The following PSTPIP1 variants were observed in gnomAD, a reference collection of about 807,000 sequenced individuals.
PSTPIP1 encodes the protein proline-serine-threonine phosphatase interacting protein 1, also known as proline-serine-threonine phosphatase-interacting protein 1.
A neutral mutation model predicts 69.6 loss-of-function variants in PSTPIP1; 66 were observed. That is an observed-to-expected ratio of 0.95 (90% CI 0.78 to 1.16). The LOEUF is 1.16. Ranked by LOEUF, PSTPIP1 falls within the 50% of genes most tolerant of loss-of-function variation. PSTPIP1 has a pLI of 0.00. For synonymous variants in PSTPIP1, 266 were observed against 222.7 expected, an observed-to-expected ratio of 1.19 and a Z score of -1.73; for missense variants, 603 against 557.4, an observed-to-expected ratio of 1.08 and a Z score of -0.82.
At chr15:77,028,855 C>G (rs888854899) in intron 7 of PSTPIP1, among the ~76,000 whole-genome samples, 2 of 152,250 alleles carry the variant, frequency 1.3e-5, no homozygotes, top group Admixed American at 1.3e-4. Flanking sequence ...GCTGGATCCC[C>G]TTTGCCACCG....
chr15:77,028,746 T>A, intron 7 of PSTPIP1, 94 bp downstream of exon 7: 1 of 1,083,710 alleles, frequency 9.2e-7, no homozygotes, highest in Non-Finnish European at 1.3e-6. Flanking sequence ...AGGCAAGATC[T>A]GCATCTGGGG....
intron 1 of PSTPIP1, among the ~76,000 whole-genome samples, chr15:77,008,924 T>C (rs2075875236): frequency 6.6e-6 from 1 of 151,778 alleles, no homozygotes; most frequent in African/African-American, 2.4e-5. Context: ...GACTCCAACA[T>C]AGAAGCCTTT....
chr15:77,029,713 G>A, intron 8 of PSTPIP1, 139 bp downstream of exon 8: 1 of 1,043,420 alleles, frequency 9.6e-7, no homozygotes, highest in East Asian at 2.7e-5. Context: ...CCAGATATGT[G>A]CCGTCAAAGT....
chr15:77,037,237 C>A lies in PSTPIP1; in HGVS notation c.*61C>A, dbSNP rs2076604010. 1.4e-5 allele frequency: 22 copies of A among 1,541,358 alleles called. No homozygotes were observed. Among genetic ancestry groups the A allele is most frequent in the Non-Finnish European group, 1.7e-5 (19 of 1,143,468 alleles). ...AGTGGAGCCAGCAGTGCCCCCAGCACTGTCCCCACCTTGCTAGGGCCCAGA... is the reference window on the plus strand; with the variant it reads ...AGTGGAGCCAGCAGTGCCCCCAGCAATGTCCCCACCTTGCTAGGGCCCAGA... On this transcript the variant is annotated 3_prime_UTR_variant, in exon 15 of 15. Transcript: ENST00000558012.
chr15:77,011,708 CA>C (rs2075937662), intron 1 of PSTPIP1, among the ~76,000 whole-genome samples: 1 of 152,172 alleles, frequency 6.6e-6, no homozygotes, highest in African/African-American at 2.4e-5. Flanking sequence ...GTACTTGAGT[CA>C]GGGGACCCCT....
intron 1 of PSTPIP1, among the ~76,000 whole-genome samples, chr15:77,006,048 G>C (rs2075809254): frequency 6.6e-6 from 1 of 152,108 alleles, no homozygotes; most frequent in South Asian, 2.1e-4. Flanking sequence ...TTAACTTTTT[G>C]AGTAACCGCC....
At chr15:76,997,051 G>C (rs113150381) in intron 1 of PSTPIP1, among the ~76,000 whole-genome samples, 1,796 of 152,342 alleles carry the variant, frequency 0.012, 25 homozygotes, top group African/African-American at 0.033. Flanking sequence ...CCCTAGGGCA[G>C]AGCTGGGCAA....
intron 1 of PSTPIP1, among the ~76,000 whole-genome samples, chr15:77,007,634 G>T (rs2075842314): frequency 6.7e-6 from 1 of 149,908 alleles, no homozygotes; most frequent in Non-Finnish European, 1.5e-5. Flanking sequence ...TCGCTCTGCT[G>T]CCCAAGCTGG....
intron 9 of PSTPIP1, 28 bp downstream of exon 9, chr15:77,030,609 T>C: frequency 6.4e-7 from 1 of 1,574,308 alleles, no homozygotes. Context: ...AGCCTCGTTT[T>C]CCCCAGCTGG....
Position 76,998,700 on chromosome 15 carries a change from T to A in PSTPIP1, c.36+3091T>A, listed in dbSNP as rs571471617. Reference sequence around the variant, plus strand: ...GAAACAGTCTGAAAAGCAGCTGTAGTGGCACAGAAGTAGTGGGGACACTCA... The same window carrying A: ...GAAACAGTCTGAAAAGCAGCTGTAGAGGCACAGAAGTAGTGGGGACACTCA... On this transcript the variant is annotated intron_variant, in intron 1 of 14. Coordinates refer to ENST00000558012, the MANE Select transcript of PSTPIP1 (RefSeq NM_003978.5). Among the ~76,000 whole-genome samples, 47 of 152,284 alleles carry A rather than the reference T, an allele frequency of 3.1e-4. 1 individual carries two copies. The East Asian group carries it at 5.4e-3, about 17-fold the overall frequency.
chr15:76,996,161 C>T (rs553459885), intron 1 of PSTPIP1, among the ~76,000 whole-genome samples: 1 of 152,258 alleles, frequency 6.6e-6, no homozygotes, highest in Non-Finnish European at 1.5e-5. Context: ...CTCACCCAGC[C>T]CCTTGTCCCT....
In PSTPIP1 at chr15:77,035,809, A is replaced by G; in HGVS notation, c.993A>G (p.Thr331=). 1 of 1,607,590 alleles carries G rather than the reference A, an allele frequency of 6.2e-7. No individual in the cohort carries two copies. The highest frequency in any genetic ancestry group is 1.7e-5 in the Admixed American group (1 of 59,804). Residue 331 remains threonine (T), a synonymous_variant, in exon 14 of 15, where the codon ACA becomes ACG. Coordinates refer to ENST00000558012, the MANE Select transcript of PSTPIP1 (RefSeq NM_003978.5). ...TTSLAASAAS[T]ETLTPTPERN... ...GTCTCACCCTGCTCTTAGCGTCCACAGAGACCCTGACCCCCACCCCCGAGC... is the reference window on the plus strand; with the variant it reads ...GTCTCACCCTGCTCTTAGCGTCCACGGAGACCCTGACCCCCACCCCCGAGC...
chr15:77,032,947 A>T lies in PSTPIP1; in HGVS notation c.924A>T (p.Ile308=), dbSNP rs748788047. 6.2e-7 allele frequency: 1 copy of T among 1,600,698 alleles called. No individual in the cohort carries two copies. The highest frequency in any genetic ancestry group is 8.5e-7 in the Non-Finnish European group (1 of 1,174,010). The change falls in exon 12 of 15, where the codon ATA becomes ATT. Residue 308 remains isoleucine, a synonymous_variant. Coordinates refer to ENST00000558012, the MANE Select transcript of PSTPIP1 (RefSeq NM_003978.5). ...SPGIQPSCGM[I]KRFSGLLHGS... ...GCATACAGCCGTCCTGCGGCATGATAAAGAGGTGAGGCCCCGACAGACGGA... is the reference window on the plus strand; with the variant it reads ...GCATACAGCCGTCCTGCGGCATGATTAAGAGGTGAGGCCCCGACAGACGGA...
At chr15:77,006,949 G>T (rs1365922764) in intron 1 of PSTPIP1, among the ~76,000 whole-genome samples, 1 of 152,114 alleles carries the variant, frequency 6.6e-6, no homozygotes, top group Non-Finnish European at 1.5e-5. Context: ...AGCTGCTTTT[G>T]TTGTTCCCTT....
At chr15:77,030,360 G>T in intron 8 of PSTPIP1, 142 bp from the exon 9 acceptor site, 1 of 814,148 alleles carries the variant, frequency 1.2e-6, no homozygotes, top group Non-Finnish European at 2.0e-6. Flanking sequence ...GCATTCAGAT[G>T]AGGCCCCGCC....
At chr15:77,033,079 T>G in intron 12 of PSTPIP1, 127 bp downstream of exon 12, 1 of 953,198 alleles carries the variant, frequency 1.0e-6, no homozygotes, top group Non-Finnish European at 1.6e-6. Flanking sequence ...GTGCCCAGTT[T>G]AGGTGCTGGG....
At chr15:77,036,055 C>A (rs2076564307) in intron 14 of PSTPIP1, 120 bp downstream of exon 14, 1 of 1,330,186 alleles carries the variant, frequency 7.5e-7, no homozygotes, top group Non-Finnish European at 1.0e-6. Flanking sequence ...TTCGAGCATC[C>A]TCTCCTCCTC....
intron 9 of PSTPIP1, 34 bp from the exon 10 acceptor site, chr15:77,031,146 T>G (rs1292939780): frequency 1.3e-6 from 2 of 1,595,904 alleles, no homozygotes; most frequent in East Asian, 4.5e-5. Flanking sequence ...TGCAGCCGCC[T>G]CCTCACTGCT....
chr15:77,014,296 C>T (rs528087919), intron 1 of PSTPIP1, among the ~76,000 whole-genome samples: 35 of 152,258 alleles, frequency 2.3e-4, no homozygotes, highest in South Asian at 1.0e-3. Flanking sequence ...CTCACCTATG[C>T]GCACGATTTC....
Sources: allele counts gnomAD v4.1 joint callset (sites outside exome capture counted in the v4.1 genomes callset), GRCh38; gene constraint gnomAD v4.1.1; transcripts MANE v1.5; gene names NCBI Gene and HGNC (gene_info 2026-07-23, HGNC 2026-07-21).